The following TBX5 variants were observed in gnomAD, a reference collection of about 807,000 sequenced individuals.
The protein encoded by TBX5 is T-box transcription factor 5.
A neutral mutation model predicts 51.1 loss-of-function variants in TBX5; 8 were observed. The observed-to-expected ratio is 0.16, with a 90% CI of 0.09 to 0.28. The LOEUF (loss-of-function observed/expected upper bound fraction) is 0.28, where lower values mean the gene tolerates loss of function less well. Among genes scored for constraint, TBX5 ranks in the 10% least tolerant of loss-of-function variants. The pLI, the probability that TBX5 is intolerant of heterozygous loss-of-function variation, is 1.00. For synonymous variants in TBX5, 302 were observed against 266.4 expected, an observed-to-expected ratio of 1.13 and a Z score of -1.30; for missense variants, 589 against 671.7, an observed-to-expected ratio of 0.88 and a Z score of 1.36.
intron 4 of TBX5, 21 bp from the exon 5 acceptor site, chr12:114,398,741 C>T (rs1487695657): frequency 6.3e-7 from 1 of 1,590,408 alleles, no homozygotes; most frequent in Admixed American, 1.8e-5. Flanking sequence ...GAGAGGTGTA[C>T]TAGAGGCCTG....
chr12:114,377,889 G>A (rs1459606472), intron 7 of TBX5, among the ~76,000 whole-genome samples: 2 of 152,112 alleles, frequency 1.3e-5, no homozygotes, highest in East Asian at 1.9e-4. Context: ...AGTTCCCAAT[G>A]TGGCTGTGTA....
chr12:114,368,169 T>C (rs1869657476), intron 7 of TBX5, among the ~76,000 whole-genome samples: 1 of 152,238 alleles, frequency 6.6e-6, no homozygotes, highest in Non-Finnish European at 1.5e-5. Context: ...GTGGTGCTAA[T>C]TATAGTTATT....
intron 8 of TBX5, among the ~76,000 whole-genome samples, chr12:114,359,901 T>C (rs1379175837): frequency 6.6e-6 from 1 of 152,222 alleles, no homozygotes; most frequent in African/African-American, 2.4e-5. Flanking sequence ...ATCTTGTCTG[T>C]CCAAATGACC....
chr12:114,387,109 AAAAAAAC>A (rs974478875), intron 6 of TBX5, among the ~76,000 whole-genome samples: 3 of 150,236 alleles, frequency 2.0e-5, no homozygotes, highest in African/African-American at 7.3e-5. Context: ...CCGTCTCAAA[AAAAAAAC>A]AAAAAACAAA....
chr12:114,407,984 T>C (rs1872331966), upstream of TBX5: 3 of 985,302 alleles, frequency 3.0e-6, no homozygotes, highest in Non-Finnish European at 2.4e-6. Context: ...CAAGGTTGGT[T>C]TGTGGTCTCC....
Position 114,355,436 on chromosome 12 carries a change from G to A in TBX5, c.*96C>T, listed in dbSNP as rs76694710. ...TTGGGTGAAATGAAAAATCTTGTCC[G>A]TGGGGTTCTCTTGGCTACTGTCTCT... On this transcript the variant is annotated 3_prime_UTR_variant, in exon 9 of 9. Transcript: ENST00000405440. The A allele has an allele frequency of 2.7e-6, 4 of 1,469,150 alleles. No individual in the cohort carries two copies. Among genetic ancestry groups the A allele is most frequent in the African/African-American group, 1.4e-5 (1 of 71,852 alleles). The allele number at this position is 1,469,150 out of a possible 1,614,324, so 91.0% of individuals were successfully genotyped here. A position where few individuals can be genotyped will look rare whatever the true frequency, so the allele number is the denominator to read the frequency against.
upstream of TBX5, among the ~76,000 whole-genome samples, chr12:114,407,394 C>A (rs916716779): frequency 1.3e-5 from 2 of 152,192 alleles, no homozygotes; most frequent in Non-Finnish European, 2.9e-5. Context: ...GAAAAACAAA[C>A]ATGGCATCGG....
rs1868729233 is a variant in TBX5, at chr12:114,354,073, C to CT, written c.*1458dup. ...ACTCACTTACAAACACACTCACACT[C>CT]TCTCACGTACTTAAACACACTCAGC... On this transcript the variant is annotated 3_prime_UTR_variant, in exon 9 of 9. Transcript: ENST00000405440. The CT allele has an allele frequency of 1.3e-5, 2 of 152,508 alleles. No homozygotes were observed. The highest frequency in any genetic ancestry group is 2.9e-5 in the Non-Finnish European group (2 of 68,044). The allele number at this position is 152,508 out of a possible 1,614,324, so 9.4% of individuals were successfully genotyped here.
At chr12:114,381,428 G>A (rs1237099141) in intron 7 of TBX5, among the ~76,000 whole-genome samples, 1 of 152,140 alleles carries the variant, frequency 6.6e-6, no homozygotes, top group Non-Finnish European at 1.5e-5. Context: ...TTCCCCACTT[G>A]TCACTACTGA....
chr12:114,405,422 G>T (rs1203220465), intron 1 of TBX5, among the ~76,000 whole-genome samples: 4 of 152,224 alleles, frequency 2.6e-5, no homozygotes, highest in Non-Finnish European at 4.4e-5. Context: ...ACCAGGCCGT[G>T]CTTCTGCAAA....
chr12:114,392,722 ATT>A (rs5801053), intron 6 of TBX5, among the ~76,000 whole-genome samples: 10 of 151,476 alleles, frequency 6.6e-5, no homozygotes, highest in African/African-American at 1.9e-4. Flanking sequence ...CCTTATTGCT[ATT>A]TTTTTTTTCC....
chr12:114,408,119 A>G, upstream of TBX5: 1 of 985,398 alleles, frequency 1.0e-6, no homozygotes, highest in Non-Finnish European at 1.2e-6. Context: ...GAGTCACGCA[A>G]CCGGCCCGCG....
intron 7 of TBX5, among the ~76,000 whole-genome samples, chr12:114,372,219 A>G (rs1869949733): frequency 6.6e-6 from 1 of 152,174 alleles, no homozygotes. Context: ...TATAAAAGCT[A>G]CCCTTGTACT....
At chr12:114,379,968 A>C (rs1219601634) in intron 7 of TBX5, among the ~76,000 whole-genome samples, 1 of 152,162 alleles carries the variant, frequency 6.6e-6, no homozygotes, top group Non-Finnish European at 1.5e-5. Flanking sequence ...TTCTAGGAGC[A>C]GCTCTCCTCA....
Position 114,406,012 on chromosome 12 carries a change from A to T in TBX5, c.-423T>A. On this transcript the variant is annotated 5_prime_UTR_variant, in exon 1 of 9. Transcript: ENST00000405440. ...GAAGTCCTTTCTGAGCGCAGCTTTC[A>T]GGATTAAAGTTCCCGGATTCGAGGT... 1 of 985,314 alleles carries T rather than the reference A, an allele frequency of 1.0e-6. No homozygotes were observed. The highest frequency in any genetic ancestry group is 1.7e-5 in the African/African-American group (1 of 57,284). The allele number at this position is 985,314 out of a possible 1,614,324, so 61.0% of individuals were successfully genotyped here. A position where few individuals can be genotyped will look rare whatever the true frequency, so the allele number is the denominator to read the frequency against.
chr12:114,400,741 A>G (rs1173314068), intron 3 of TBX5, among the ~76,000 whole-genome samples: 1 of 152,110 alleles, frequency 6.6e-6, no homozygotes, highest in Non-Finnish European at 1.5e-5. Flanking sequence ...TTCCTGGGGG[A>G]ATAGGAAGAG....
At chr12:114,406,696 C>G (rs1032453534), upstream of TBX5, among the ~76,000 whole-genome samples, 1 of 152,138 alleles carries the variant, frequency 6.6e-6, no homozygotes, top group Non-Finnish European at 1.5e-5. Context: ...CGGGCCCTCA[C>G]CCCCCACCCA....
In TBX5 at chr12:114,373,001, C is replaced by G. The variant is rs1870001168; in HGVS notation, c.756-6610G>C. On this transcript the variant is annotated intron_variant, in intron 7 of 8. Coordinates refer to ENST00000405440, the MANE Select transcript of TBX5 (RefSeq NM_181486.4). ...ATACATACACACACACACACACACA[C>G]ACACACACACACACACACACACTGG... is the stretch of plus-strand genomic sequence containing the variant. 2.6e-5 allele frequency among the ~76,000 whole-genome samples: 4 copies of G among 151,854 alleles called. No individual in the cohort carries two copies. The South Asian group carries it at 6.3e-4, about 24-fold the overall frequency.
At chr12:114,403,354 C>T (rs997942856) in intron 2 of TBX5, among the ~76,000 whole-genome samples, 53 of 152,372 alleles carry the variant, frequency 3.5e-4, no homozygotes, top group African/African-American at 1.3e-3. Flanking sequence ...TCATGCCGGC[C>T]TGAATCGGCC....
Sources: gnomAD v4.1 joint callset for allele counts (sites outside exome capture counted in the v4.1 genomes callset) on GRCh38, gnomAD v4.1.1 for gene constraint, MANE v1.5 for transcripts, NCBI Gene and HGNC (gene_info 2026-07-23, HGNC 2026-07-21) for gene names.